Variants in PLA2G4E observed in about 807,000 individuals in gnomAD.
PLA2G4E encodes the protein cytosolic phospholipase A2 epsilon.
In PLA2G4E, 84 loss-of-function variants were observed where a neutral mutation model predicts 109.1. The observed-to-expected ratio is 0.77, with a 90% CI of 0.65 to 0.92. PLA2G4E has a LOEUF of 0.92. PLA2G4E is among the 40% of genes least tolerant of loss of function. PLA2G4E has a pLI of 0.00. For synonymous variants in PLA2G4E, 469 were observed against 436.1 expected, an observed-to-expected ratio of 1.08 and a Z score of -0.94; for missense variants, 1,057 against 1,076.6, an observed-to-expected ratio of 0.98 and a Z score of 0.25.
At chr15:42,013,577 G>A (rs1471915271) in intron 2 of PLA2G4E, 108 bp downstream of exon 2, 5 of 1,059,340 alleles carry the variant, frequency 4.7e-6, no homozygotes, top group South Asian at 2.9e-5. Context: ...ACGTGCACAC[G>A]TGCGCGCGCA....
intron 3 of PLA2G4E, 106 bp downstream of exon 3, chr15:42,007,623 A>C: frequency 7.3e-7 from 1 of 1,369,966 alleles, no homozygotes; most frequent in Non-Finnish European, 1.0e-6. Context: ...GTAGGCAGAA[A>C]GGAAAACAAA....
At chr15:41,987,045 G>A in intron 17 of PLA2G4E, 127 bp downstream of exon 17, 1 of 945,318 alleles carries the variant, frequency 1.1e-6, no homozygotes, top group East Asian at 2.6e-5. Context: ...ACCATGGGGA[G>A]AGAGGTGCCT....
intron 1 of PLA2G4E, among the ~76,000 whole-genome samples, chr15:42,015,949 A>G (rs1595570294): frequency 1.3e-5 from 2 of 152,196 alleles, no homozygotes; most frequent in Admixed American, 1.3e-4. Flanking sequence ...CCCTTCGCTG[A>G]GAGTTTTACC....
At chr15:42,009,175 G>A (rs2068507138) in intron 2 of PLA2G4E, 1 of 152,140 alleles carries the variant, frequency 6.6e-6, no homozygotes, top group Non-Finnish European at 1.5e-5. Context: ...AAGAATGATT[G>A]AAACCCAACA....
At chr15:42,010,131 G>GCCCCCCCCCCCCCCCCCC (rs758613773) in intron 2 of PLA2G4E, 4 of 440,590 alleles carry the variant, frequency 9.1e-6, no homozygotes, top group African/African-American at 9.0e-5. Context: ...CCAGAACACT[G>GCCCCCCCCCCCCCCCCCC]GCCCCCCCAC....
intron 12 of PLA2G4E, among the ~76,000 whole-genome samples, chr15:41,994,973 G>A (rs1010351324): frequency 2.6e-5 from 4 of 152,232 alleles, no homozygotes; most frequent in African/African-American, 9.6e-5. Flanking sequence ...GTGAGAAGGA[G>A]GGAGCTCAGC....
At chr15:42,010,242 G>A (rs367944089) in intron 2 of PLA2G4E, 71 of 457,346 alleles carry the variant, frequency 1.6e-4, no homozygotes, top group Middle Eastern at 3.5e-4. Flanking sequence ...TGCACTTGGC[G>A]CGCATGATTT....
chr15:42,002,477 C>T (rs1029248025), intron 6 of PLA2G4E, among the ~76,000 whole-genome samples, 177 bp downstream of exon 6: 47 of 152,044 alleles, frequency 3.1e-4, no homozygotes, highest in African/African-American at 1.0e-3. Flanking sequence ...AGCCCCAGCT[C>T]GTGCCCCAGT....
At chr15:42,005,063 T>A in intron 4 of PLA2G4E, 85 bp from the exon 5 acceptor site, 1 of 1,513,668 alleles carries the variant, frequency 6.6e-7, no homozygotes, top group Non-Finnish European at 9.1e-7. Flanking sequence ...TGGGAGCCGC[T>A]GTGGACCTGC....
In PLA2G4E at chr15:42,031,686, C is replaced by T. The variant is rs538075642; in HGVS notation, c.184-17929G>A. Among the ~76,000 whole-genome samples the T allele has an allele frequency of 3.9e-5, 6 of 152,292 alleles. No individual in the cohort carries two copies. In the South Asian group the frequency reaches 1.2e-3, roughly 32 times the overall value. ...CTGACCAAGCACCCACAACTAGACT[C>T]TGCCAAGCTTCTTGACATCAGCTCC... On this transcript the variant is annotated intron_variant, in intron 1 of 19. Coordinates refer to ENST00000399518, the Ensembl canonical transcript of PLA2G4E.
At chr15:42,009,650 G>A (rs1368302675) in intron 2 of PLA2G4E, among the ~76,000 whole-genome samples, 1 of 152,084 alleles carries the variant, frequency 6.6e-6, no homozygotes, top group Non-Finnish European at 1.5e-5. Context: ...GCATGTGTAT[G>A]TGTGCACACA....
Position 42,010,132 on chromosome 15 carries a change from G to GCCCC in PLA2G4E, c.257-2271_257-2268dup, listed in dbSNP as rs202221046. The GCCCC allele has an allele frequency of 3.2e-3, 1,369 of 425,554 alleles. 61 individuals carry two copies. The highest frequency in any genetic ancestry group is 9.7e-3 in the African/African-American group (329 of 33,814). The allele number at this position is 425,554 out of a possible 1,614,324, so 26.4% of individuals were successfully genotyped here. ...TTCCCTTGGCTTTTCCAGAACACTGGCCCCCCCACCCCGGGCCTGGACCAC... is the reference window on the plus strand; with the variant it reads ...TTCCCTTGGCTTTTCCAGAACACTGGCCCCCCCCCCCACCCCGGGCCTGGACCAC... On this transcript the variant is annotated intron_variant, in intron 2 of 19. Coordinates refer to ENST00000399518, the Ensembl canonical transcript of PLA2G4E.
At chr15:41,991,842 G>A (rs2068253796) in intron 13 of PLA2G4E, among the ~76,000 whole-genome samples, 1 of 152,182 alleles carries the variant, frequency 6.6e-6, no homozygotes, top group African/African-American at 2.4e-5. Context: ...GAGGTGGGAA[G>A]CTCTCCTCTG....
intron 5 of PLA2G4E, among the ~76,000 whole-genome samples, chr15:42,003,511 T>G (rs2068441905): frequency 6.6e-6 from 1 of 152,256 alleles, no homozygotes; most frequent in Non-Finnish European, 1.5e-5. Context: ...AGCCACTTTC[T>G]AATTCAGCCT....
At chr15:42,039,555 A>G (rs906713543) in intron 1 of PLA2G4E, among the ~76,000 whole-genome samples, 1 of 152,186 alleles carries the variant, frequency 6.6e-6, no homozygotes, top group Non-Finnish European at 1.5e-5. Flanking sequence ...ATATATGAAT[A>G]CTTGAATTTG....
intron 1 of PLA2G4E, among the ~76,000 whole-genome samples, chr15:42,038,778 T>G (rs373034459): frequency 6.6e-6 from 1 of 152,200 alleles, no homozygotes; most frequent in African/African-American, 2.4e-5. Flanking sequence ...TCATGTTTCT[T>G]TAGTGTCTAT....
intron 1 of PLA2G4E, among the ~76,000 whole-genome samples, chr15:42,045,457 G>T (rs1481295035): frequency 6.6e-6 from 1 of 152,226 alleles, no homozygotes; most frequent in East Asian, 1.9e-4. Flanking sequence ...CAGCCACCCA[G>T]GCAGCACCGG....
chr15:42,026,972 C>A (rs1401462969), intron 1 of PLA2G4E, among the ~76,000 whole-genome samples: 13 of 140,290 alleles, frequency 9.3e-5, no homozygotes, highest in Admixed American at 1.4e-4. Flanking sequence ...GACTCTATCT[C>A]AAAAAAAAAA....
chr15:42,010,134 C>CG lies in PLA2G4E; in HGVS notation c.257-2270_257-2269insC, dbSNP rs748876646. The CG allele has an allele frequency of 4.3e-5, 20 of 464,158 alleles. 3 individuals carry two copies. Among genetic ancestry groups the CG allele is most frequent in the South Asian group, 3.4e-4 (18 of 52,224 alleles). The allele number at this position is 464,158 out of a possible 1,614,324, so 28.8% of individuals were successfully genotyped here. ...CCCTTGGCTTTTCCAGAACACTGGC[C>CG]CCCCCACCCCGGGCCTGGACCACAC... On this transcript the variant is annotated intron_variant, in intron 2 of 19. Coordinates refer to ENST00000399518, the Ensembl canonical transcript of PLA2G4E.
Sources: allele counts gnomAD v4.1 joint callset (sites outside exome capture counted in the v4.1 genomes callset), GRCh38; gene constraint gnomAD v4.1.1; transcripts MANE v1.5; gene names NCBI Gene and HGNC (gene_info 2026-07-23, HGNC 2026-07-21).